The following HECW1 variants were observed in gnomAD, a reference collection of about 807,000 sequenced individuals.
HECW1 encodes E3 ubiquitin-protein ligase HECW1.
Under a neutral mutation model 182.3 loss-of-function variants are expected in HECW1, and 61 were observed. That is an observed-to-expected ratio of 0.33 (90% CI 0.27 to 0.41). HECW1 has a LOEUF of 0.41. Ranked by LOEUF, HECW1 falls within the 10% of genes least tolerant of loss-of-function variation. HECW1 has a pLI of 1.00. For missense variants in HECW1, 1,739 were observed against 2,108.9 expected (o/e 0.82, Z 3.44); for synonymous variants, 859 against 832.6 (o/e 1.03, Z -0.55).
chr7:43,548,064 AT>A (rs1480259830), intron 26 of HECW1, among the ~76,000 whole-genome samples: 3 of 152,206 alleles, frequency 2.0e-5, no homozygotes, highest in Admixed American at 2.0e-4. Flanking sequence ...TTAATACCGC[AT>A]TTTGATGTTT....
intron 29 of HECW1, among the ~76,000 whole-genome samples, chr7:43,560,573 C>A (rs1178579654): frequency 6.6e-6 from 1 of 152,030 alleles, no homozygotes; most frequent in Non-Finnish European, 1.5e-5. Flanking sequence ...GCAGGAAACC[C>A]CACCTTCCCT....
chr7:43,472,241 A>G (rs1219197727), intron 16 of HECW1, among the ~76,000 whole-genome samples: 1 of 152,212 alleles, frequency 6.6e-6, no homozygotes, highest in East Asian at 1.9e-4. Context: ...AGTAAAAAAA[A>G]AGAAATGCAA....
At chr7:43,154,884 C>T (rs377334745) in intron 2 of HECW1, among the ~76,000 whole-genome samples, 1 of 152,150 alleles carries the variant, frequency 6.6e-6, no homozygotes. Flanking sequence ...AATTATGTAA[C>T]ATTTGATATG....
At chr7:43,475,098 C>A (rs1038427620) in intron 16 of HECW1, among the ~76,000 whole-genome samples, 8 of 152,122 alleles carry the variant, frequency 5.3e-5, no homozygotes, top group Non-Finnish European at 1.0e-4. Flanking sequence ...ATACTTAATG[C>A]CACTGAACTG....
chr7:43,186,777 G>A (rs6463173), intron 2 of HECW1, among the ~76,000 whole-genome samples: 36,710 of 151,960 alleles, frequency 0.24, 4,633 homozygotes, highest in Middle Eastern at 0.27. Flanking sequence ...ACAATTGCCT[G>A]CAGTATTCAG....
intron 4 of HECW1, among the ~76,000 whole-genome samples, chr7:43,318,630 A>G (rs1319683534): frequency 3.3e-5 from 5 of 152,236 alleles, no homozygotes; most frequent in Admixed American, 3.3e-4. Flanking sequence ...TAGAAGTGAC[A>G]CTATTGGCAA....
At chr7:43,182,028 C>T (rs1357509124) in intron 2 of HECW1, among the ~76,000 whole-genome samples, 3 of 152,076 alleles carry the variant, frequency 2.0e-5, no homozygotes, top group Non-Finnish European at 4.4e-5. Flanking sequence ...TCGTGATCTA[C>T]CTGCCTTGGC....
chr7:43,493,173 A>T lies in HECW1; in HGVS notation c.3430A>T (p.Thr1144Ser). The stretch of plus-strand genomic sequence containing the variant: ...TCAGCCAAGCTTAGCAAGAAACCAC[A>T]CACTCAGGTAAGCCTCGCCCCTCAC... Reference protein sequence around the residue: ...ERQPSLARNHTLREKIHYIRT... With the variant: ...ERQPSLARNHSLREKIHYIRT... Residue 1144 changes from threonine to serine, a missense_variant, in exon 19 of 30, where the codon ACA becomes TCA. Transcript: ENST00000395891. 6.2e-7 allele frequency: 1 copy of T among 1,611,490 alleles called. No homozygotes were observed. The highest frequency in any genetic ancestry group is 8.5e-7 in the Non-Finnish European group (1 of 1,177,856).
intron 15 of HECW1, 50 bp from the exon 16 acceptor site, chr7:43,468,870 G>A: frequency 6.4e-7 from 1 of 1,561,192 alleles, no homozygotes; most frequent in Non-Finnish European, 8.8e-7. Flanking sequence ...CTTGCTCTAT[G>A]TTTTTCCTAA....
chr7:43,430,491 C>T (rs1192809056), intron 8 of HECW1, among the ~76,000 whole-genome samples: 1 of 152,196 alleles, frequency 6.6e-6, no homozygotes, highest in Non-Finnish European at 1.5e-5. Flanking sequence ...GCAGTTACAA[C>T]ACAGTTTATA....
rs144787680 is a variant in HECW1 at position 43,271,054 on chromosome 7, G to A, written c.27+27122G>A. Among the ~76,000 whole-genome samples, 411 of 152,258 alleles carry A rather than the reference G, an allele frequency of 2.7e-3. 2 individuals are homozygous for A. Among genetic ancestry groups the A allele is most frequent in the African/African-American group, 9.2e-3 (384 of 41,560 alleles). Reference sequence around the variant, plus strand: ...CTACAAATTAATATACAGGTTTAATGCAAATCTAAAAATGTCAAGGAGATA... The same window carrying A: ...CTACAAATTAATATACAGGTTTAATACAAATCTAAAAATGTCAAGGAGATA... On this transcript the variant is annotated intron_variant, in intron 3 of 29. Transcript: ENST00000395891.
intron 3 of HECW1, among the ~76,000 whole-genome samples, chr7:43,291,221 G>A (rs890533999): frequency 2.6e-5 from 4 of 152,214 alleles, no homozygotes; most frequent in South Asian, 2.1e-4. Flanking sequence ...GTCTTGCTAC[G>A]AGAGTACACT....
intron 5 of HECW1, among the ~76,000 whole-genome samples, chr7:43,331,083 C>A (rs987648264): frequency 6.6e-6 from 1 of 151,762 alleles, no homozygotes; most frequent in Non-Finnish European, 1.5e-5. Context: ...TGTGCTGCAC[C>A]CATTAACTCG....
chr7:43,557,735 T>G (rs2082077228), intron 29 of HECW1, among the ~76,000 whole-genome samples: 1 of 152,198 alleles, frequency 6.6e-6, no homozygotes. Flanking sequence ...TCTTAAACCA[T>G]AGTCCACAGA....
rs570638785 is a variant in HECW1, at chr7:43,552,193, T to G, written c.4396-29T>G. The G allele has an allele frequency of 2.2e-6, 3 of 1,393,820 alleles. No homozygotes were observed. In the Admixed American group the frequency reaches 5.0e-5, roughly 23 times the overall value. 86.3% of individuals were successfully genotyped at this position (1,393,820 alleles called of 1,614,324 possible). ...CATAGCCTTTCCATGTGTTTGGACC[T>G]GGATGCTGAAGCCTAACCTGCATTT... On this transcript the variant is annotated intron_variant, in intron 27 of 29. Coordinates refer to ENST00000395891, the MANE Select transcript of HECW1 (RefSeq NM_015052.5).
At chr7:43,280,346 G>A (rs1016241308) in intron 3 of HECW1, among the ~76,000 whole-genome samples, 1 of 152,114 alleles carries the variant, frequency 6.6e-6, no homozygotes, top group African/African-American at 2.4e-5. Context: ...GTCAGGGAGG[G>A]GCAGGACCTT....
intron 2 of HECW1, among the ~76,000 whole-genome samples, chr7:43,184,818 G>A (rs1793226212): frequency 1.3e-5 from 2 of 152,118 alleles, no homozygotes; most frequent in African/African-American, 4.8e-5. Context: ...ATCTGCTTGG[G>A]GAGGCCTCAG....
chr7:43,428,996 A>G (rs1012220315), intron 8 of HECW1, among the ~76,000 whole-genome samples: 2 of 151,058 alleles, frequency 1.3e-5, no homozygotes, highest in African/African-American at 4.8e-5. Context: ...GTACAGATAT[A>G]TAATATACAA....
At chr7:43,355,458 A>T (rs1676928930) in intron 5 of HECW1, among the ~76,000 whole-genome samples, 1 of 152,198 alleles carries the variant, frequency 6.6e-6, no homozygotes, top group Non-Finnish European at 1.5e-5. Context: ...GAGTTAAATT[A>T]TAGAGGCTTT....
Sources: gnomAD v4.1 joint callset for allele counts (sites outside exome capture counted in the v4.1 genomes callset) on GRCh38, gnomAD v4.1.1 for gene constraint, MANE v1.5 for transcripts, NCBI Gene and HGNC (gene_info 2026-07-23, HGNC 2026-07-21) for gene names.